ABCA6: variants seen among roughly 807,000 people sequenced by gnomAD.
ABCA6 encodes ATP binding cassette subfamily A member 6.
ABCA6 carries 164 observed loss-of-function variants against 191.2 expected under a neutral mutation model. That is an observed-to-expected ratio of 0.86 (90% CI 0.76 to 0.98). ABCA6 has a LOEUF of 0.98. ABCA6 is among the 50% of genes least tolerant of loss of function. The pLI, the probability that ABCA6 is intolerant of heterozygous loss-of-function variation, is 0.00. For missense variants in ABCA6, 1,958 were observed against 1,894.1 expected (o/e 1.03, Z -0.63); for synonymous variants, 636 against 647.7 (o/e 0.98, Z 0.27).
chr17:69,083,663 G>C (rs551820628), intron 34 of ABCA6, among the ~76,000 whole-genome samples: 4 of 152,278 alleles, frequency 2.6e-5, no homozygotes, highest in African/African-American at 9.6e-5. Flanking sequence ...ATTGATACCT[G>C]CTGAAACTTG....
Position 69,100,713 on chromosome 17 carries a change from A to G in ABCA6, c.3012+84T>C, listed in dbSNP as rs2073159271. On this transcript the variant is annotated intron_variant, in intron 22 of 38. Coordinates refer to ENST00000284425, the MANE Select transcript of ABCA6 (RefSeq NM_080284.3). The stretch of plus-strand genomic sequence containing the variant: ...TAATTTTCAGGCTTAACAATCACTT[A>G]TGGATATTTAAAAGCTAAAGAGAGA... 4.4e-6 allele frequency: 6 copies of G among 1,352,896 alleles called. No homozygotes were observed. The South Asian group carries it at 6.4e-5, about 14-fold the overall frequency. The allele number at this position is 1,352,896 out of a possible 1,614,324, so 83.8% of individuals were successfully genotyped here. A position where few individuals can be genotyped will look rare whatever the true frequency, so the allele number is the denominator to read the frequency against.
intron 25 of ABCA6, chr17:69,095,245 C>G (rs2073019876): frequency 1.0e-5 from 2 of 192,150 alleles, no homozygotes; most frequent in Non-Finnish European, 2.3e-5. Context: ...ATGGAAAGAC[C>G]TTTTGTGCAC....
chr17:69,084,360 A>C lies in ABCA6; in HGVS notation c.4261-5T>G, dbSNP rs1234493656. 6.2e-7 allele frequency: 1 copy of C among 1,614,042 alleles called. No individual in the cohort carries two copies. Among genetic ancestry groups the C allele is most frequent in the East Asian group, 2.2e-5 (1 of 44,888 alleles). ...GAGGCTCAGCACAAAACACAACTGC[A>C]ATGTAGAAAAACACCCCTGTTTGCT... On this transcript the variant is annotated splice_polypyrimidine_tract_variant and splice_region_variant and intron_variant, in intron 33 of 38. Transcript: ENST00000284425.
chr17:69,112,053 T>C (rs561570701), intron 16 of ABCA6, 130 bp downstream of exon 16: 1 of 676,830 alleles, frequency 1.5e-6, no homozygotes, highest in South Asian at 2.0e-5. Context: ...AAAAAAAGTA[T>C]TCAGGAAACA....
In ABCA6 at chr17:69,082,886, C is replaced by T. The variant is rs184811201; in HGVS notation, c.4603G>A (p.Ala1535Thr). The T allele has an allele frequency of 1.9e-6, 3 of 1,614,218 alleles. No individual in the cohort carries two copies. The highest frequency in any genetic ancestry group is 2.5e-6 in the Non-Finnish European group (3 of 1,180,014). The change falls in exon 36 of 39, where the codon GCA becomes ACA. Residue 1535 changes from alanine to threonine, a missense_variant. By Grantham distance (58) the Ala-to-Thr change is moderately conservative. Transcript: ENST00000284425. ...TEILKLFPQA[A>T]GQERYSSLLT... ...AGCCCGTCTCACCTTTCCTGCCCTG[C>T]AGCCTGTGGGAAAAGCTTCAGAATC...
rs1232167877 is a variant in ABCA6, at chr17:69,096,657, G to A, written c.3265C>T (p.Leu1089Phe). Residue 1089 changes from leucine (L) to phenylalanine (F), a missense_variant, in exon 24 of 39, where the codon CTT becomes TTT. Coordinates refer to ENST00000284425, the MANE Select transcript of ABCA6 (RefSeq NM_080284.3). ...IFYIENMQYL[L>F]ITSQIVFALV... ...GCAAACACAATTTGGCTTGTAATAAGAAGGTACTGCATGTTTTCTATGTAG... is the reference window on the plus strand; with the variant it reads ...GCAAACACAATTTGGCTTGTAATAAAAAGGTACTGCATGTTTTCTATGTAG... 6.4e-7 allele frequency: 1 copy of A among 1,551,438 alleles called. No individual in the cohort carries two copies. The highest frequency in any genetic ancestry group is 2.3e-5 in the East Asian group (1 of 43,194).
chr17:69,085,099 C>G lies in ABCA6; in HGVS notation c.4113G>C (p.Leu1371Phe), dbSNP rs778383822. 6.2e-7 allele frequency: 1 copy of G among 1,613,592 alleles called. No individual in the cohort carries two copies. Among genetic ancestry groups the G allele is most frequent in the South Asian group, 1.1e-5 (1 of 90,940 alleles). Residue 1371 changes from leucine to phenylalanine, a missense_variant, in exon 32 of 39, where the codon TTG (leucine) becomes TTC (phenylalanine). Physicochemically the swap from Leu to Phe is conservative, Grantham distance 22. Transcript: ENST00000284425. ...CAGCATACACCTCCAGGTGTTCCCT[C>G]AACGTCAGCATGGGCCACAGCACGT... ...QENVLWPMLT[L>F]REHLEVYAAV... is the part of the protein sequence containing the mutation.
chr17:69,140,857 T>C, intron 1 of ABCA6, 109 bp from the exon 2 acceptor site: 1 of 423,386 alleles, frequency 2.4e-6, no homozygotes, highest in Non-Finnish European at 4.1e-6. Context: ...TTCAATAATT[T>C]ATGACTGTAA....
In ABCA6 at chr17:69,103,911, C is replaced by CTTTTTTTTTTTTTTTTT. The variant is rs55850112; in HGVS notation, c.2741-944_2741-943insAAAAAAAAAAAAAAAAA. The CTTTTTTTTTTTTTTTTT allele has an allele frequency of 2.7e-4, 25 of 93,330 alleles. 1 individual carries two copies. The highest frequency in any genetic ancestry group is 3.6e-4 in the Non-Finnish European group (18 of 49,954). The allele number at this position is 93,330 out of a possible 1,614,324, so 5.8% of individuals were successfully genotyped here. A position where few individuals can be genotyped will look rare whatever the true frequency, so the allele number is the denominator to read the frequency against. On this transcript the variant is annotated intron_variant, in intron 20 of 38. Transcript: ENST00000284425. ...GGAATGAATAAGAGGAAAAGAAGGA[C>CTTTTTTTTTTTTTTTTT]TTTTTTTTTTTTTGCCTTTGAAATG...
chr17:69,105,884 C>T (rs1193663072), intron 19 of ABCA6, 144 bp downstream of exon 19: 3 of 907,300 alleles, frequency 3.3e-6, no homozygotes, highest in Admixed American at 2.9e-5. Flanking sequence ...TACAGGTATT[C>T]CCACTGTCAG....
chr17:69,122,612 A>C (rs2073669998), intron 10 of ABCA6, among the ~76,000 whole-genome samples: 1 of 152,058 alleles, frequency 6.6e-6, no homozygotes, highest in South Asian at 2.1e-4. Context: ...TTTCTGATTC[A>C]GAATTTCTTA....
At chr17:69,091,399 G>A (rs2072918713) in intron 25 of ABCA6, 137 bp from the exon 26 acceptor site, 1 of 897,768 alleles carries the variant, frequency 1.1e-6, no homozygotes, top group Non-Finnish European at 1.6e-6. Context: ...GACAATGATA[G>A]TTTCTCCTTT....
intron 17 of ABCA6, chr17:69,109,027 C>G (rs2073364978): frequency 1.3e-5 from 2 of 152,174 alleles, no homozygotes; most frequent in South Asian, 4.1e-4. Context: ...ATGGCATAGT[C>G]CACTGATCTG....
intron 7 of ABCA6, among the ~76,000 whole-genome samples, 154 bp downstream of exon 7, chr17:69,129,456 A>T (rs1049827538): frequency 6.6e-6 from 1 of 152,154 alleles, no homozygotes; most frequent in Non-Finnish European, 1.5e-5. Context: ...TTTTCACTCC[A>T]TAGAAACTAT....
intron 10 of ABCA6, among the ~76,000 whole-genome samples, chr17:69,118,416 CAATTT>C (rs1409483796): frequency 6.6e-6 from 1 of 152,006 alleles, no homozygotes; most frequent in Non-Finnish European, 1.5e-5. Context: ...ACTTTGGACA[CAATTT>C]AATTTCTCTC....
At chr17:69,083,622 G>T (rs1258815131) in intron 34 of ABCA6, among the ~76,000 whole-genome samples, 1 of 152,180 alleles carries the variant, frequency 6.6e-6, no homozygotes, top group African/African-American at 2.4e-5. Flanking sequence ...AAGGAAGTGG[G>T]TGGAGATATA....
Position 69,134,867 on chromosome 17 carries a change from T to C in ABCA6, c.461-125A>G, listed in dbSNP as rs185071295. On this transcript the variant is annotated intron_variant, in intron 4 of 38. Coordinates refer to ENST00000284425, the MANE Select transcript of ABCA6 (RefSeq NM_080284.3). ...CCAGTAAACTTTTTTGGTGGTGGTG[T>C]TTCGTTTTTGTTGTGGTTGTCTTTT... 1.8e-3 allele frequency: 1,156 copies of C among 651,390 alleles called. 15 individuals are homozygous for C. Among genetic ancestry groups the C allele is most frequent in the Non-Finnish European group, 3.5e-4 (130 of 376,710 alleles). 40.4% of individuals were successfully genotyped at this position (651,390 alleles called of 1,614,324 possible).
chr17:69,113,992 G>T (rs2073485301), intron 13 of ABCA6, among the ~76,000 whole-genome samples: 1 of 152,116 alleles, frequency 6.6e-6, no homozygotes, highest in Non-Finnish European at 1.5e-5. Flanking sequence ...CAACCATTGT[G>T]CAAGTCAGTG....
intron 13 of ABCA6, 149 bp from the exon 14 acceptor site, chr17:69,113,886 A>G: frequency 1.7e-6 from 1 of 585,486 alleles, no homozygotes; most frequent in South Asian, 2.0e-5. Flanking sequence ...ACCAGTTAGT[A>G]TGGCGATCAT....
Sources: gnomAD v4.1 joint callset for allele counts (sites outside exome capture counted in the v4.1 genomes callset) on GRCh38, gnomAD v4.1.1 for gene constraint, MANE v1.5 for transcripts, NCBI Gene and HGNC (gene_info 2026-07-23, HGNC 2026-07-21) for gene names.